Variants in FBN1 observed in about 807,000 individuals in gnomAD.
FBN1 encodes the protein fibrillin 1, also known as fibrillin-1.
In FBN1, 29 loss-of-function variants were observed where a neutral mutation model predicts 365.1. That is an observed-to-expected ratio of 0.08 (90% CI 0.06 to 0.11). FBN1 has a LOEUF of 0.11. FBN1 is among the 10% of genes least tolerant of loss of function. FBN1 has a pLI of 1.00. For synonymous variants in FBN1, 1,210 were observed against 1,270.5 expected (o/e 0.95, Z 1.01); for missense variants, 2,476 against 3,703.2 (o/e 0.67, Z 8.60).
chr15:48,620,867 GAT>G (rs1203236968), intron 2 of FBN1, among the ~76,000 whole-genome samples: 1 of 152,170 alleles, frequency 6.6e-6, no homozygotes, highest in Non-Finnish European at 1.5e-5. Flanking sequence ...CCTGGGAGAT[GAT>G]TCTAGGGCTG....
At position 48,481,668 on chromosome 15, in the gene FBN1, T is replaced by C. The variant is rs2043466115; in HGVS notation, c.3951A>G (p.Lys1317=). 1 of 1,613,850 alleles carries C rather than the reference T, an allele frequency of 6.2e-7. No individual in the cohort carries two copies. The highest frequency in any genetic ancestry group is 1.3e-5 in the African/African-American group (1 of 75,040). ...GAACAAACACACCTGTACAGCCAGT[T>C]TTTCCTTTTTTGCCGGAGTAGCCCA... The part of the protein sequence containing the change: ...CDMGYSGKKG[K]TGCTDINECE... Residue 1317 remains lysine (K), a synonymous_variant, in exon 32 of 66, where the codon AAA becomes AAG. Transcript: ENST00000316623.
intron 6 of FBN1, among the ~76,000 whole-genome samples, chr15:48,565,257 G>A (rs1053845154): frequency 6.6e-6 from 1 of 151,984 alleles, no homozygotes; most frequent in Non-Finnish European, 1.5e-5. Flanking sequence ...TCTCCAGAGA[G>A]AAATAAAGCT....
chr15:48,432,037 T>C (rs1349698095), intron 55 of FBN1, among the ~76,000 whole-genome samples: 5 of 152,168 alleles, frequency 3.3e-5, no homozygotes, highest in Non-Finnish European at 4.4e-5. Context: ...ATCTCAAATA[T>C]CTTATTCTCT....
chr15:48,487,156 G>C lies in FBN1; in HGVS notation c.3508C>G (p.Arg1170Gly). 1 of 1,614,100 alleles carries C rather than the reference G, an allele frequency of 6.2e-7. No homozygotes were observed. Among genetic ancestry groups the C allele is most frequent in the Non-Finnish European group, 8.5e-7 (1 of 1,180,024 alleles). Reference protein sequence around the residue: ...ELSAHLCPNGRCVNLIGKYQC... With the variant: ...ELSAHLCPNGGCVNLIGKYQC... Reference sequence around the variant, plus strand: ...TACTTCCCTATGAGGTTCACGCAACGGCCATTGGGGCACAGGTGTGCACTC... The same window carrying C: ...TACTTCCCTATGAGGTTCACGCAACCGCCATTGGGGCACAGGTGTGCACTC... Residue 1170 changes from arginine (R) to glycine (G), a missense_variant, in exon 29 of 66, where the codon CGT becomes GGT. Physicochemically the swap from Arg to Gly is moderately radical, Grantham distance 125 (BLOSUM62 -2). Coordinates refer to ENST00000316623, the MANE Select transcript of FBN1 (RefSeq NM_000138.5).
chr15:48,450,869 A>G (rs1044456262), intron 45 of FBN1, among the ~76,000 whole-genome samples: 2 of 152,226 alleles, frequency 1.3e-5, no homozygotes, highest in Non-Finnish European at 2.9e-5. Flanking sequence ...TGCCTGAAAA[A>G]AAAAATGCCA....
chr15:48,463,084 G>A lies in FBN1; in HGVS notation c.5222C>T (p.Thr1741Ile), dbSNP rs1195739495. The change falls in exon 42 of 66, where the codon ACA becomes ATA. Residue 1741 changes from threonine to isoleucine, a missense_variant and splice_region_variant. Around this residue, in one of 5 missense-constraint regions of FBN1, gnomAD observed 1,780 missense variants for 2,840.8 expected, o/e 0.63. Transcript: ENST00000316623. ...ATAATGGAGAAACTAAAACTCACCTGTACTTGGGATGGGACACTGTTCACA... is the reference window on the plus strand; with the variant it reads ...ATAATGGAGAAACTAAAACTCACCTATACTTGGGATGGGACACTGTTCACA... ...KPCEQCPIPS[T>I]DEFATLCGSQ... 6.2e-7 allele frequency: 1 copy of A among 1,613,762 alleles called. No individual in the cohort carries two copies. The highest frequency in any genetic ancestry group is 1.7e-5 in the Admixed American group (1 of 60,026).
intron 6 of FBN1, among the ~76,000 whole-genome samples, chr15:48,586,655 C>T (rs1005580475): frequency 3.3e-5 from 5 of 152,138 alleles, no homozygotes; most frequent in African/African-American, 1.2e-4. Context: ...GTGTCTCATG[C>T]TGTGTTTAAA....
At chr15:48,531,301 G>A (rs2043971039) in intron 8 of FBN1, among the ~76,000 whole-genome samples, 1 of 151,976 alleles carries the variant, frequency 6.6e-6, no homozygotes, top group African/African-American at 2.4e-5. Context: ...GGACATTTTA[G>A]GAAGGAAGTG....
At chr15:48,495,385 C>T (rs1031393649) in intron 21 of FBN1, 84 bp downstream of exon 21, 10 of 1,593,472 alleles carry the variant, frequency 6.3e-6, no homozygotes, top group African/African-American at 4.0e-5. Context: ...TTCATCCATA[C>T]TTAAATTCTT....
At position 48,487,070 on chromosome 15, in the gene FBN1, C is replaced by T; in HGVS notation, c.3589+5G>A. The T allele has an allele frequency of 1.3e-6, 2 of 1,553,140 alleles. No individual in the cohort carries two copies. Among genetic ancestry groups the T allele is most frequent in the Non-Finnish European group, 1.7e-6 (2 of 1,151,300 alleles). ...TAAAATAAAATAAAATAAAAAAGAACTTACCAACACAAAATAGCCTATCGG... is the reference window on the plus strand; with the variant it reads ...TAAAATAAAATAAAATAAAAAAGAATTTACCAACACAAAATAGCCTATCGG... On this transcript the variant is annotated splice_donor_5th_base_variant and intron_variant, in intron 29 of 65. Transcript: ENST00000316623.
At chr15:48,616,841 ATATAT>A (rs1889663337) in intron 2 of FBN1, among the ~76,000 whole-genome samples, 1 of 152,166 alleles carries the variant, frequency 6.6e-6, no homozygotes, top group Non-Finnish European at 1.5e-5. Flanking sequence ...AGTGCTAAAG[ATATAT>A]TATTTTATTT....
At chr15:48,481,570 A>G (rs2043465175) in intron 32 of FBN1, 85 bp downstream of exon 32, 1 of 1,341,072 alleles carries the variant, frequency 7.5e-7, no homozygotes, top group African/African-American at 1.5e-5. Flanking sequence ...AAAATGTATG[A>G]GTTTTAAAAC....
chr15:48,560,359 T>C (rs1319171860), intron 6 of FBN1, among the ~76,000 whole-genome samples: 2 of 152,192 alleles, frequency 1.3e-5, no homozygotes, highest in Admixed American at 6.5e-5. Flanking sequence ...TTCCTTATCC[T>C]ATAAAATTGG....
intron 6 of FBN1, among the ~76,000 whole-genome samples, chr15:48,568,275 A>G (rs1001745418): frequency 2.0e-5 from 3 of 152,048 alleles, no homozygotes; most frequent in Admixed American, 6.6e-5. Context: ...CAATTACATC[A>G]AAAGGAATAA....
At chr15:48,575,734 C>G (rs1313963521) in intron 6 of FBN1, among the ~76,000 whole-genome samples, 2 of 151,588 alleles carry the variant, frequency 1.3e-5, no homozygotes, top group South Asian at 2.1e-4. Context: ...CAGCACTATT[C>G]CCAAAGCAAA....
chr15:48,466,111 T>C (rs1001384131), intron 38 of FBN1, among the ~76,000 whole-genome samples: 2 of 152,232 alleles, frequency 1.3e-5, no homozygotes, highest in East Asian at 3.9e-4. Flanking sequence ...GTCTTACATG[T>C]GTGTGGACTG....
intron 40 of FBN1, 150 bp from the exon 41 acceptor site, chr15:48,464,171 C>A: frequency 1.3e-6 from 1 of 763,438 alleles, no homozygotes; most frequent in East Asian, 2.7e-5. Flanking sequence ...CATCCGTGTC[C>A]TCTCTCTGTG....
At chr15:48,508,411 T>G (rs2043729043) in intron 15 of FBN1, among the ~76,000 whole-genome samples, 171 bp downstream of exon 15, 1 of 152,236 alleles carries the variant, frequency 6.6e-6, no homozygotes, top group African/African-American at 2.4e-5. Context: ...GGGCATAAAC[T>G]GTAGCTCTTT....
chr15:48,492,350 T>A, intron 24 of FBN1, 111 bp downstream of exon 24: 1 of 1,066,078 alleles, frequency 9.4e-7, no homozygotes, highest in Non-Finnish European at 1.4e-6. Context: ...ATGCTGAATT[T>A]TGGAGTGTGT....
Sources: gnomAD v4.1 joint callset for allele counts (sites outside exome capture counted in the v4.1 genomes callset) on GRCh38, gnomAD v4.1.1 for gene constraint, gnomAD v4.1.1 regional missense constraint, MANE v1.5 for transcripts, NCBI Gene and HGNC (gene_info 2026-07-23, HGNC 2026-07-21) for gene names.